The following AGXT2 variants were observed in gnomAD, a reference collection of about 807,000 sequenced individuals.
AGXT2 encodes the protein alanine--glyoxylate aminotransferase 2, also known as alanine--glyoxylate aminotransferase 2, mitochondrial.
AGXT2 carries 61 observed loss-of-function variants against 62.5 expected under a neutral mutation model. The observed-to-expected ratio is 0.98, with a 90% CI of 0.79 to 1.21. AGXT2 has a LOEUF of 1.21. Ranked by LOEUF, AGXT2 falls within the 50% of genes most tolerant of loss-of-function variation. The probability of loss-of-function intolerance (pLI) is 0.00; values close to 1 mark genes in which losing one functional copy is unlikely to be tolerated. For missense variants in AGXT2, 666 were observed against 641.5 expected, an observed-to-expected ratio of 1.04 and a Z score of -0.41; for synonymous variants, 243 against 218.7, an observed-to-expected ratio of 1.11 and a Z score of -0.98.
At chr5:35,027,919 AGG>A (rs1767420638) in intron 7 of AGXT2, among the ~76,000 whole-genome samples, 1 of 150,688 alleles carries the variant, frequency 6.6e-6, no homozygotes, top group Non-Finnish European at 1.5e-5. Flanking sequence ...GAATCCTTGC[AGG>A]CCCTTTGGCC....
intron 1 of AGXT2, among the ~76,000 whole-genome samples, chr5:35,045,151 T>G (rs900056098): frequency 6.6e-6 from 1 of 152,232 alleles, no homozygotes; most frequent in African/African-American, 2.4e-5. Flanking sequence ...TTCCATAACT[T>G]TGTATACACA....
chr5:35,027,480 C>T (rs1472577760), intron 7 of AGXT2, among the ~76,000 whole-genome samples: 1 of 152,040 alleles, frequency 6.6e-6, no homozygotes, highest in Non-Finnish European at 1.5e-5. Context: ...GCTTTTAAAA[C>T]TTGCTTTCTT....
At chr5:35,044,551 G>A (rs540468305) in intron 1 of AGXT2, among the ~76,000 whole-genome samples, 1 of 152,362 alleles carries the variant, frequency 6.6e-6, no homozygotes, top group African/African-American at 2.4e-5. Flanking sequence ...GTTCCTACCA[G>A]AAGTTACTCT....
At chr5:35,029,716 A>C (rs1767490883) in intron 7 of AGXT2, among the ~76,000 whole-genome samples, 1 of 152,246 alleles carries the variant, frequency 6.6e-6, no homozygotes, top group Admixed American at 6.5e-5. Flanking sequence ...AAAGAAGAAG[A>C]ATGACATGAT....
At chr5:35,041,837 ATTCAAAGAGATATATAT>A (rs997042417) in intron 1 of AGXT2, among the ~76,000 whole-genome samples, 5 of 152,182 alleles carry the variant, frequency 3.3e-5, no homozygotes, top group African/African-American at 4.8e-5. Context: ...AAAGAGATAT[ATTCAAAGAGATATATAT>A]TTCAAAGAGA....
chr5:35,000,485 A>G (rs1396265035), intron 13 of AGXT2, among the ~76,000 whole-genome samples: 1 of 152,140 alleles, frequency 6.6e-6, no homozygotes, highest in East Asian at 1.9e-4. Flanking sequence ...GGTTCACACA[A>G]TTCTCCTGCC....
chr5:35,011,897 T>A (rs1376965761), intron 11 of AGXT2, among the ~76,000 whole-genome samples: 1 of 145,412 alleles, frequency 6.9e-6, no homozygotes, highest in Non-Finnish European at 1.5e-5. Context: ...GATGAGTGGA[T>A]AAAGAAAATG....
At chr5:35,016,460 C>T (rs1491001089) in intron 9 of AGXT2, among the ~76,000 whole-genome samples, 5 of 152,174 alleles carry the variant, frequency 3.3e-5, no homozygotes, top group Non-Finnish European at 1.5e-5. Context: ...AACAACATTA[C>T]ATTAAAAATT....
intron 9 of AGXT2, among the ~76,000 whole-genome samples, chr5:35,014,898 T>C (rs1383411603): frequency 6.6e-6 from 1 of 152,198 alleles, no homozygotes; most frequent in African/African-American, 2.4e-5. Context: ...CCAGTTAAAC[T>C]GGTCATCCTC....
rs376860282 is a variant in AGXT2 at position 35,044,598 on chromosome 5, G to A, written c.88+3207C>T. Among the ~76,000 whole-genome samples the A allele has an allele frequency of 4.9e-4, 75 of 152,268 alleles. No individual in the cohort carries two copies. The Middle Eastern group carries it at 0.02, about 41-fold the overall frequency. ...GCCTTCCTTGGCTTCTTTGCGTGTGGGGTCCTGTCCACGTCCTCAGCCTCC... is the reference window on the plus strand; with the variant it reads ...GCCTTCCTTGGCTTCTTTGCGTGTGAGGTCCTGTCCACGTCCTCAGCCTCC... On this transcript the variant is annotated intron_variant, in intron 1 of 13. Coordinates refer to ENST00000231420, the MANE Select transcript of AGXT2 (RefSeq NM_031900.4).
chr5:35,026,904 C>T (rs1371651052), intron 7 of AGXT2: 69 of 984,990 alleles, frequency 7.0e-5, no homozygotes, highest in Non-Finnish European at 8.0e-5. Flanking sequence ...TTGAAAATAA[C>T]TCTATTTACC....
chr5:35,046,839 A>C (rs1185641450), intron 1 of AGXT2, among the ~76,000 whole-genome samples: 1 of 152,198 alleles, frequency 6.6e-6, no homozygotes, highest in Non-Finnish European at 1.5e-5. Flanking sequence ...ACAGTTGCTT[A>C]ATCTCATGTT....
intron 3 of AGXT2, 61 bp downstream of exon 3, chr5:35,039,263 A>G: frequency 6.4e-7 from 1 of 1,557,416 alleles, no homozygotes; most frequent in Non-Finnish European, 8.9e-7. Flanking sequence ...AGAGTCACTA[A>G]CATAATTGTT....
chr5:35,017,975 G>A lies in AGXT2; in HGVS notation c.964-3856C>T, dbSNP rs576721964. Among the ~76,000 whole-genome samples, 345 of 152,290 alleles carry A rather than the reference G, an allele frequency of 2.3e-3. 1 individual carries two copies. The highest frequency in any genetic ancestry group is 7.7e-3 in the African/African-American group (318 of 41,548). ...ATCAACTGGAAGAAAGGGTATCAGC[G>A]ATGGAAGGTGAAATGAATGAAATGA... On this transcript the variant is annotated intron_variant, in intron 9 of 13. Coordinates refer to ENST00000231420, the MANE Select transcript of AGXT2 (RefSeq NM_031900.4).
chr5:35,003,923 CA>C, intron 12 of AGXT2, 62 bp from the exon 13 acceptor site: 1 of 1,530,652 alleles, frequency 6.5e-7, no homozygotes, highest in East Asian at 2.3e-5. Context: ...GAATTATTTG[CA>C]AGAGAGGAAA....
intron 6 of AGXT2, 103 bp from the exon 7 acceptor site, chr5:35,032,928 C>G: frequency 4.5e-6 from 4 of 890,316 alleles, no homozygotes; most frequent in Non-Finnish European, 7.3e-6. Context: ...CTTAGTTTTC[C>G]TCCCTCATTC....
rs1255749919 is a variant in AGXT2, at chr5:35,045,764, CTTTTTTTTTTTTTT to C, written c.88+2027_88+2040del. Among the ~76,000 whole-genome samples, 6 of 99,146 alleles carry C rather than the reference CTTTTTTTTTTTTTT, an allele frequency of 6.1e-5. 1 individual carries two copies. The South Asian group carries it at 2.1e-3, about 35-fold the overall frequency. 65.0% of individuals were successfully genotyped at this position (99,146 alleles called of 152,430 possible). ...TGTGGTTTTTTTCTTTTTCTTTTTT[CTTTTTTTTTTTTTT>C]TTTTTTTGAGAAGGAGTCTCACTCT... On this transcript the variant is annotated intron_variant, in intron 1 of 13. Coordinates refer to ENST00000231420, the MANE Select transcript of AGXT2 (RefSeq NM_031900.4).
At chr5:35,044,488 A>G (rs1344317171) in intron 1 of AGXT2, among the ~76,000 whole-genome samples, 2 of 152,186 alleles carry the variant, frequency 1.3e-5, no homozygotes, top group Non-Finnish European at 2.9e-5. Context: ...TGCAAGGATG[A>G]TGGCAGTGAA....
chr5:35,006,968 G>C lies in AGXT2; in HGVS notation c.1338+3032C>G, dbSNP rs953207482. Among the ~76,000 whole-genome samples, 6 of 152,280 alleles carry C rather than the reference G, an allele frequency of 3.9e-5. No individual in the cohort carries two copies. The East Asian group carries it at 9.6e-4, about 24-fold the overall frequency. On this transcript the variant is annotated intron_variant, in intron 12 of 13. Transcript: ENST00000231420. ...GAAAATAAGGTATTTATACATAAAA[G>C]GTGAGTCAACAAATACAGGTTAGGT...
Sources: allele counts gnomAD v4.1 joint callset (sites outside exome capture counted in the v4.1 genomes callset), GRCh38; gene constraint gnomAD v4.1.1; transcripts MANE v1.5; gene names NCBI Gene and HGNC (gene_info 2026-07-23, HGNC 2026-07-21).